The following NBAS variants were observed in gnomAD, a reference collection of about 807,000 sequenced individuals.
NBAS encodes the protein NAG/BC035112 fusion.
In NBAS, 219 loss-of-function variants were observed where a neutral mutation model predicts 302.5. The observed-to-expected ratio is 0.72, with a 90% CI of 0.65 to 0.81. NBAS has a LOEUF of 0.81. Among genes scored for constraint, NBAS ranks in the 30% least tolerant of loss-of-function variants. The pLI is 0.00. For missense variants in NBAS, 2,932 were observed against 2,841.6 expected, an observed-to-expected ratio of 1.03 and a Z score of -0.72; for synonymous variants, 1,118 against 1,021.6, an observed-to-expected ratio of 1.09 and a Z score of -1.80.
At chr2:15,235,777 T>G (rs879628926) in intron 45 of NBAS, among the ~76,000 whole-genome samples, 1 of 152,152 alleles carries the variant, frequency 6.6e-6, no homozygotes, top group Non-Finnish European at 1.5e-5. Context: ...TTCTGACAGT[T>G]GTTGAAGCTG....
At chr2:15,207,122 A>T (rs940661626) in intron 48 of NBAS, among the ~76,000 whole-genome samples, 5 of 152,222 alleles carry the variant, frequency 3.3e-5, no homozygotes, top group African/African-American at 1.2e-4. Context: ...CTGCAGAGCC[A>T]CAGAAGCAGA....
At chr2:14,791,595 A>C in the NBAS span, among the ~76,000 whole-genome samples, 1 of 152,026 alleles carries the variant, frequency 6.6e-6, no homozygotes, top group Non-Finnish European at 1.5e-5. Flanking sequence ...CGAGGTCAGG[A>C]GTTTGAGACC....
the NBAS span, among the ~76,000 whole-genome samples, chr2:15,085,590 A>C: frequency 3.3e-5 from 5 of 152,110 alleles, no homozygotes; most frequent in African/African-American, 1.2e-4. Context: ...CCACAGAGCC[A>C]GTGGGAACTG....
chr2:15,394,289 A>C lies in NBAS; in HGVS notation c.3195T>G (p.Thr1065=). 1 of 1,613,264 alleles carries C rather than the reference A, an allele frequency of 6.2e-7. No individual in the cohort carries two copies. The highest frequency in any genetic ancestry group is 8.5e-7 in the Non-Finnish European group (1 of 1,179,470). The change falls in exon 28 of 52, where the codon ACT becomes ACG. Residue 1065 remains threonine (T), a synonymous_variant. Transcript: ENST00000281513. The part of the protein sequence containing the change: ...LEKPISFVKN[T]QSSSEEARKL... ...TGCGTGCCTCTTCTGAGCTAGATTG[A>C]GTGTTTTTAACAAATGAAATTGGTT...
chr2:15,029,533 G>A, the NBAS span, among the ~76,000 whole-genome samples: 1 of 152,180 alleles, frequency 6.6e-6, no homozygotes. Context: ...TCTTGGGAGA[G>A]ATAAAGGAAT....
At chr2:14,838,842 GA>G in the NBAS span, among the ~76,000 whole-genome samples, 134 of 148,408 alleles carry the variant, frequency 9.0e-4, no homozygotes, top group African/African-American at 2.6e-3. Flanking sequence ...ATATGATTTT[GA>G]AAAAAAAAAT....
At chr2:15,160,453 C>A in the NBAS span, among the ~76,000 whole-genome samples, 1 of 152,160 alleles carries the variant, frequency 6.6e-6, no homozygotes, top group African/African-American at 2.4e-5. Flanking sequence ...GGAGGAGACA[C>A]ATCTTGGCTC....
chr2:14,818,564 C>G, the NBAS span, among the ~76,000 whole-genome samples: 1 of 152,136 alleles, frequency 6.6e-6, no homozygotes, highest in African/African-American at 2.4e-5. Flanking sequence ...CAGCATGTCT[C>G]TCTCAACAGA....
chr2:15,062,477 T>A, the NBAS span, among the ~76,000 whole-genome samples: 12 of 152,314 alleles, frequency 7.9e-5, no homozygotes, highest in South Asian at 2.5e-3. Flanking sequence ...CAGTTTGGCA[T>A]GAAATCCAAA....
chr2:15,427,703 A>AT lies in NBAS; in HGVS notation c.2423+7dup. 1 of 1,603,234 alleles carries AT rather than the reference A, an allele frequency of 6.2e-7. No individual in the cohort carries two copies. Among genetic ancestry groups the AT allele is most frequent in the African/African-American group, 1.3e-5 (1 of 74,866 alleles). ...AAACAAAGATGCCTCCTGCAGGCTC[A>AT]TACTGACCTGCAAGCCAACTCCTCG... On this transcript the variant is annotated splice_region_variant and intron_variant, in intron 22 of 51. Transcript: ENST00000281513.
At chr2:14,976,003 AAATATATGAAAC>A in the NBAS span, among the ~76,000 whole-genome samples, 586 of 152,362 alleles carry the variant, frequency 3.8e-3, 1 homozygote, top group Middle Eastern at 0.027. Context: ...AACTGGGGAA[AAATATATGAAAC>A]AACTCTTTTC....
the NBAS span, among the ~76,000 whole-genome samples, chr2:14,888,909 G>A: frequency 6.6e-6 from 1 of 152,176 alleles, no homozygotes; most frequent in Non-Finnish European, 1.5e-5. Context: ...CGTAGAGCAC[G>A]AATCACATGA....
chr2:15,428,693 TG>T, intron 21 of NBAS, among the ~76,000 whole-genome samples: 1 of 152,126 alleles, frequency 6.6e-6, no homozygotes, highest in Non-Finnish European at 1.5e-5. Context: ...CAGTAAGCCA[TG>T]ATCAAGAAAG....
At chr2:14,923,202 T>C in the NBAS span, among the ~76,000 whole-genome samples, 1 of 151,870 alleles carries the variant, frequency 6.6e-6, no homozygotes, top group African/African-American at 2.4e-5. Context: ...TCTCCGTTCA[T>C]TCATTCTTTC....
chr2:15,321,231 T>A (rs1024483843), intron 38 of NBAS, among the ~76,000 whole-genome samples: 118 of 152,280 alleles, frequency 7.7e-4, no homozygotes, highest in African/African-American at 2.8e-3. Flanking sequence ...TTACACCTTA[T>A]ACAAAAATTA....
the NBAS span, among the ~76,000 whole-genome samples, chr2:15,066,704 T>A: frequency 6.6e-6 from 1 of 152,184 alleles, no homozygotes; most frequent in African/African-American, 2.4e-5. Flanking sequence ...AGGTAAGTGT[T>A]GGCAAATATG....
At chr2:14,889,527 A>G in the NBAS span, among the ~76,000 whole-genome samples, 1,832 of 152,328 alleles carry the variant, frequency 0.012, 32 homozygotes, top group African/African-American at 0.042. Context: ...CTGGACCCCC[A>G]GAACAGATTA....
At chr2:15,068,733 C>A in the NBAS span, among the ~76,000 whole-genome samples, 1 of 152,264 alleles carries the variant, frequency 6.6e-6, no homozygotes, top group Non-Finnish European at 1.5e-5. Flanking sequence ...CCAAAAACCA[C>A]ACCTGAGAAA....
intron 35 of NBAS, among the ~76,000 whole-genome samples, chr2:15,350,671 A>C (rs899853854): frequency 6.6e-6 from 1 of 152,198 alleles, no homozygotes; most frequent in African/African-American, 2.4e-5. Context: ...AATGAGGAAA[A>C]GGAACACAAC....
Sources: gnomAD v4.1 joint callset for allele counts (sites outside exome capture counted in the v4.1 genomes callset) on GRCh38, gnomAD v4.1.1 for gene constraint, MANE v1.5 for transcripts, NCBI Gene and HGNC (gene_info 2026-07-23, HGNC 2026-07-21) for gene names.